TASOR2: variants seen among roughly 807,000 people sequenced by gnomAD.
TASOR2 encodes the protein transcription activation suppressor family member 2.
TASOR2 carries 84 observed loss-of-function variants against 199.5 expected under a neutral mutation model. The observed-to-expected ratio is 0.42, with a 90% CI of 0.35 to 0.50. The LOEUF (loss-of-function observed/expected upper bound fraction) is 0.50, where lower values mean the gene tolerates loss of function less well. TASOR2 is among the 20% of genes least tolerant of loss of function. The pLI, the probability that TASOR2 is intolerant of heterozygous loss-of-function variation, is 0.02. For synonymous variants in TASOR2, 1,103 were observed against 1,046.6 expected (o/e 1.05, Z -1.04); for missense variants, 2,796 against 2,835.9 (o/e 0.99, Z 0.32).
chr10:5,695,894 T>C (rs947996154), intron 1 of TASOR2, among the ~76,000 whole-genome samples: 1 of 152,158 alleles, frequency 6.6e-6, no homozygotes, highest in African/African-American at 2.4e-5. Context: ...ACTTCTGAAG[T>C]CAAGAATTAC....
At chr10:5,749,948 T>C (rs1300918348) in exon 15 of TASOR2, 1 of 1,614,016 alleles carries the variant, frequency 6.2e-7, no homozygotes, top group Non-Finnish European at 8.5e-7. Flanking sequence ...CTAAGAAGTG[T>C]TGTGAAAGAG....
At chr10:5,697,084 T>C (rs1320577090) in intron 1 of TASOR2, among the ~76,000 whole-genome samples, 1 of 152,180 alleles carries the variant, frequency 6.6e-6, no homozygotes, top group East Asian at 1.9e-4. Context: ...AGAAGGTGAC[T>C]TTCTAGGTTG....
intron 19 of TASOR2, chr10:5,761,705 A>C: frequency 2.0e-6 from 1 of 499,244 alleles, no homozygotes; most frequent in South Asian, 2.8e-5. Flanking sequence ...ATAATACTCA[A>C]TACAGTATAA....
chr10:5,763,118 C>T, exon 21 of TASOR2: 2 of 1,262,030 alleles, frequency 1.6e-6, no homozygotes, highest in Non-Finnish European at 2.3e-6. Flanking sequence ...TGTGAATACA[C>T]ATGTGAACAG....
At chr10:5,693,578 A>G (rs576818866) in intron 1 of TASOR2, among the ~76,000 whole-genome samples, 1 of 152,302 alleles carries the variant, frequency 6.6e-6, no homozygotes, top group Non-Finnish European at 1.5e-5. Context: ...TCATTTAAAA[A>G]AAACCTGTAA....
At position 5,698,996 on chromosome 10, in the gene TASOR2, A is replaced by G. The variant is rs576884463; in HGVS notation, c.-288+13821A>G. Among the ~76,000 whole-genome samples, 3 of 152,360 alleles carry G rather than the reference A, an allele frequency of 2.0e-5. No homozygotes were observed. The highest frequency in any genetic ancestry group is 7.2e-5 in the African/African-American group (3 of 41,592). On this transcript the variant is annotated intron_variant, in intron 1 of 20. Transcript: ENST00000328090. This position sits in a 1 kb window ranked among gnomAD's most constrained non-coding sequence, Gnocchi z 4.4. ...TACTCTAAGGTATATACGTAAGAGA[A>G]ATGAAAACATGTTCACATAAAAACT...
In TASOR2 at chr10:5,722,674, T is replaced by G. The variant is rs1833525828; in HGVS notation, c.147-1003T>G. Among the ~76,000 whole-genome samples the G allele has an allele frequency of 6.6e-6, 1 of 152,024 alleles. No homozygotes were observed. Among genetic ancestry groups the G allele is most frequent in the Non-Finnish European group, 1.5e-5 (1 of 67,986 alleles). ...AGTTCTTTGTCCTATGTTTGCAACT[T>G]TTGTATAAGTGTAAAAGCATTTTAA... is the stretch of plus-strand genomic sequence containing the variant. On this transcript the variant is annotated intron_variant, in intron 6 of 20. Transcript: ENST00000328090. The surrounding 1 kb of genome is among the most constrained non-coding windows in gnomAD (Gnocchi z 4.0).
intron 18 of TASOR2, among the ~76,000 whole-genome samples, chr10:5,760,028 G>A (rs1839562593): frequency 6.6e-6 from 1 of 152,226 alleles, no homozygotes; most frequent in Non-Finnish European, 1.5e-5. Flanking sequence ...TTTGGGTAGA[G>A]AAAGTCATGT....
Position 5,735,321 on chromosome 10 carries a change from GCA to G in TASOR2, c.1225_1226del (p.Gln409ValfsTer9). 1.2e-6 allele frequency: 2 copies of G among 1,613,936 alleles called. No individual in the cohort carries two copies. The highest frequency in any genetic ancestry group is 1.7e-6 in the Non-Finnish European group (2 of 1,179,976). On this transcript the variant is annotated frameshift_variant, in exon 12 of 21. Transcript: ENST00000328090. LOFTEE classifies it high-confidence loss of function. ...TACATAAGGTGCGGAAGTGCTGACT[GCA>G]CAGTTTGTACAGAAAACCAAATTGG...
chr10:5,730,936 G>C lies in TASOR2; in HGVS notation c.937G>C (p.Glu313Gln). ...TCCAGATCCTGAATTTCTTGTCTCA[G>C]AGGCAGAAGTGAGAAAAGAAACTGA... Residue 313 changes from glutamate to glutamine, a missense_variant, in exon 11 of 21, where the codon GAG (glutamate) becomes CAG (glutamine). Physicochemically the swap from Glu to Gln is conservative, Grantham distance 29 (BLOSUM62 2). Coordinates refer to ENST00000328090, the Ensembl canonical transcript of TASOR2. The surrounding 1 kb of genome is among the most constrained non-coding windows in gnomAD (Gnocchi z 4.1). 6.2e-7 allele frequency: 1 copy of C among 1,614,168 alleles called. No homozygotes were observed. Among genetic ancestry groups the C allele is most frequent in the African/African-American group, 1.3e-5 (1 of 75,034 alleles).
rs1835701113 is a variant in TASOR2, at chr10:5,685,435, GA to G, written c.-288+261del. On this transcript the variant is annotated intron_variant, in intron 1 of 20. Coordinates refer to ENST00000328090, the Ensembl canonical transcript of TASOR2. This position sits in a 1 kb window ranked among gnomAD's most constrained non-coding sequence, Gnocchi z 5.4. Reference sequence around the variant, plus strand: ...TAACCGTGTCATCTTGCCCCTTTCTGAGGCGTTTCGTTTGCGTCGCCTGTCA... The same window carrying G: ...TAACCGTGTCATCTTGCCCCTTTCTGGGCGTTTCGTTTGCGTCGCCTGTCA... Among the ~76,000 whole-genome samples, 1 of 152,156 alleles carries G rather than the reference GA, an allele frequency of 6.6e-6. No homozygotes were observed. The highest frequency in any genetic ancestry group is 6.6e-5 in the Admixed American group (1 of 15,266).
chr10:5,688,049 G>A (rs1031561417), intron 1 of TASOR2, among the ~76,000 whole-genome samples: 3 of 152,084 alleles, frequency 2.0e-5, no homozygotes, highest in African/African-American at 7.2e-5. Flanking sequence ...AATGACTAGA[G>A]TCTCATCTGC....
chr10:5,718,187 T>C (rs1409544921), intron 3 of TASOR2, among the ~76,000 whole-genome samples: 1 of 152,166 alleles, frequency 6.6e-6, no homozygotes, highest in East Asian at 1.9e-4. Context: ...GAACTGATGA[T>C]GCCACAAATC....
At chr10:5,761,439 A>G (rs1839815927) in exon 19 of TASOR2, 12 of 1,613,140 alleles carry the variant, frequency 7.4e-6, no homozygotes, top group African/African-American at 2.7e-5. Flanking sequence ...CAAATTCAGC[A>G]TATTGATGCC....
At chr10:5,708,329 C>A (rs546872957) in intron 1 of TASOR2, among the ~76,000 whole-genome samples, 144 of 152,124 alleles carry the variant, frequency 9.5e-4, no homozygotes, top group Middle Eastern at 6.8e-3. Context: ...TTTTTGGCTT[C>A]CTCATTGGAA....
chr10:5,735,276 T>A, intron 11 of TASOR2, 28 bp from the exon 13 acceptor site: 1 of 1,601,216 alleles, frequency 6.2e-7, no homozygotes. Context: ...CCCTACCCCT[T>A]ACAAAAATGA....
In TASOR2 at chr10:5,698,573, T is replaced by C. The variant is rs1457391295; in HGVS notation, c.-288+13398T>C. Among the ~76,000 whole-genome samples the C allele has an allele frequency of 2.0e-5, 3 of 152,206 alleles. No individual in the cohort carries two copies. Among genetic ancestry groups the C allele is most frequent in the African/African-American group, 7.2e-5 (3 of 41,462 alleles). On this transcript the variant is annotated intron_variant, in intron 1 of 20. Transcript: ENST00000328090. The surrounding 1 kb of genome is among the most constrained non-coding windows in gnomAD (Gnocchi z 4.4). ...TTGCCTATTTTTGTAAATAAAGTTA[T>C]ATGGGGACATGGTCATTCCTATTTA...
At chr10:5,712,767 G>A (rs911699491) in intron 1 of TASOR2, 56 bp from the exon 2 acceptor site, 16 of 971,906 alleles carry the variant, frequency 1.6e-5, no homozygotes, top group African/African-American at 1.7e-5. Flanking sequence ...TTAAAAATTT[G>A]CAAGACAAAA....
chr10:5,700,070 A>T (rs1015299189), intron 1 of TASOR2, among the ~76,000 whole-genome samples: 1 of 152,106 alleles, frequency 6.6e-6, no homozygotes, highest in African/African-American at 2.4e-5. Flanking sequence ...CCCATTAATC[A>T]ACTTCTCTTT....
Sources: gnomAD v4.1 joint callset for allele counts (sites outside exome capture counted in the v4.1 genomes callset) on GRCh38, gnomAD v4.1.1 for gene constraint, Gnocchi (gnomAD v3.1) non-coding constraint, MANE v1.5 for transcripts, NCBI Gene and HGNC (gene_info 2026-07-23, HGNC 2026-07-21) for gene names.